Variants in MSRA observed in about 807,000 individuals in gnomAD.
MSRA encodes mitochondrial peptide methionine sulfoxide reductase.
In MSRA, 54 loss-of-function variants were observed where a neutral mutation model predicts 31.3. That is an observed-to-expected ratio of 1.73 (90% CI 1.39 to 2.17). The LOEUF (loss-of-function observed/expected upper bound fraction) is 2.17. Ranked by LOEUF, MSRA falls within the 30% of genes most tolerant of loss-of-function variation. MSRA has a pLI of 0.00. For missense variants in MSRA, 507 were observed against 300.9 expected, an observed-to-expected ratio of 1.69 and a Z score of -5.07; for synonymous variants, 169 against 116.5, an observed-to-expected ratio of 1.45 and a Z score of -2.90.
At chr8:10,108,038 A>G (rs1030455057) in intron 1 of MSRA, among the ~76,000 whole-genome samples, 8 of 152,244 alleles carry the variant, frequency 5.3e-5, no homozygotes, top group African/African-American at 1.9e-4. Context: ...GACAGAATAT[A>G]GGGGTCGTTG....
At chr8:10,271,839 C>T (rs1417400575) in intron 3 of MSRA, among the ~76,000 whole-genome samples, 1 of 151,874 alleles carries the variant, frequency 6.6e-6, no homozygotes, top group African/African-American at 2.4e-5. Context: ...TTGCCTCAGC[C>T]TCTCAAGTAG....
chr8:10,428,026 G>C (rs942038232), intron 5 of MSRA, 122 bp from the exon 6 acceptor site: 15 of 1,022,936 alleles, frequency 1.5e-5, no homozygotes, highest in Non-Finnish European at 2.0e-5. Flanking sequence ...GGCCTAAAGG[G>C]GACCCACTGC....
intron 5 of MSRA, among the ~76,000 whole-genome samples, chr8:10,381,495 G>T (rs1806067389): frequency 6.6e-6 from 1 of 152,164 alleles, no homozygotes; most frequent in Non-Finnish European, 1.5e-5. Flanking sequence ...CTGGAGCTGG[G>T]TGTACCCTAC....
intron 3 of MSRA, among the ~76,000 whole-genome samples, chr8:10,287,459 C>T (rs1476895785): frequency 6.6e-6 from 1 of 152,080 alleles, no homozygotes; most frequent in African/African-American, 2.4e-5. Flanking sequence ...CATCATCATC[C>T]CACGCTTACA....
At chr8:10,076,384 A>G (rs1033210235) in intron 1 of MSRA, among the ~76,000 whole-genome samples, 4 of 152,332 alleles carry the variant, frequency 2.6e-5, no homozygotes, top group African/African-American at 7.2e-5. Flanking sequence ...GTAGGTGCAC[A>G]TGGCCTTCAA....
At chr8:10,268,848 A>T (rs1207280172) in intron 3 of MSRA, among the ~76,000 whole-genome samples, 1 of 152,258 alleles carries the variant, frequency 6.6e-6, no homozygotes, top group East Asian at 1.9e-4. Flanking sequence ...CTTTCCTGTT[A>T]TCCTCCTGGA....
At chr8:10,067,034 A>G (rs1337502342) in intron 1 of MSRA, among the ~76,000 whole-genome samples, 1 of 152,106 alleles carries the variant, frequency 6.6e-6, no homozygotes, top group Non-Finnish European at 1.5e-5. Context: ...TAAAGTCTGT[A>G]GTTTACATTA....
chr8:10,180,339 C>A (rs1806431570), intron 1 of MSRA, among the ~76,000 whole-genome samples: 1 of 152,204 alleles, frequency 6.6e-6, no homozygotes, highest in Non-Finnish European at 1.5e-5. Flanking sequence ...CTTCCAGGCC[C>A]TTTGGGGTGC....
intron 5 of MSRA, among the ~76,000 whole-genome samples, chr8:10,391,515 C>T (rs1315821463): frequency 2.0e-5 from 3 of 152,198 alleles, no homozygotes; most frequent in East Asian, 1.9e-4. Flanking sequence ...AAATATTGTT[C>T]ATCACTTATG....
chr8:10,182,634 G>A (rs770522377), intron 1 of MSRA, among the ~76,000 whole-genome samples: 1 of 152,158 alleles, frequency 6.6e-6, no homozygotes, highest in Non-Finnish European at 1.5e-5. Flanking sequence ...TATGATACAA[G>A]CATGCGGTGT....
rs111815092 is a variant in MSRA, at chr8:10,251,432, C to G, written c.331+6209C>G. 2.6e-3 allele frequency among the ~76,000 whole-genome samples: 397 copies of G among 152,188 alleles called. 5 individuals carry two copies. The highest frequency in any genetic ancestry group is 9.2e-3 in the African/African-American group (383 of 41,494). ...TTATTGTACTCATTTCAATGTCAGTCAAGGTAAATTACTAAGTTATTGACA... is the reference window on the plus strand; with the variant it reads ...TTATTGTACTCATTTCAATGTCAGTGAAGGTAAATTACTAAGTTATTGACA... On this transcript the variant is annotated intron_variant, in intron 3 of 5. Transcript: ENST00000317173.
chr8:10,324,436 T>C (rs985176222), intron 5 of MSRA, among the ~76,000 whole-genome samples: 3 of 152,086 alleles, frequency 2.0e-5, no homozygotes, highest in Non-Finnish European at 4.4e-5. Context: ...CCATGGAACA[T>C]GGGACGGCCA....
At chr8:10,364,837 G>T (rs909570401) in intron 5 of MSRA, among the ~76,000 whole-genome samples, 1 of 152,190 alleles carries the variant, frequency 6.6e-6, no homozygotes, top group Non-Finnish European at 1.5e-5. Flanking sequence ...ATCCCCGGAT[G>T]TAGAAACATT....
At chr8:10,355,238 A>C (rs1190630624) in intron 5 of MSRA, among the ~76,000 whole-genome samples, 1 of 152,126 alleles carries the variant, frequency 6.6e-6, no homozygotes, top group African/African-American at 2.4e-5. Flanking sequence ...GTTTGCATGG[A>C]AGTGCTGAGT....
At position 10,095,411 on chromosome 8, in the gene MSRA, G is replaced by T. The variant is rs545650092; in HGVS notation, c.142+40753G>T. The T allele has an allele frequency of 4.7e-5, 43 of 921,928 alleles. No individual in the cohort carries two copies. In the South Asian group the frequency reaches 1.9e-3, roughly 42 times the overall value. 57.1% of individuals were successfully genotyped at this position (921,928 alleles called of 1,614,324 possible). ...TCGATGCTGTTGGTGCCAGGATTTG[G>T]GTACCGTACCACGGTTTCCTGTTTT... On this transcript the variant is annotated intron_variant, in intron 1 of 5. Transcript: ENST00000317173.
chr8:10,149,392 G>A (rs1803456688), intron 1 of MSRA, among the ~76,000 whole-genome samples: 1 of 152,174 alleles, frequency 6.6e-6, no homozygotes, highest in Non-Finnish European at 1.5e-5. Flanking sequence ...CCAAAGTGCT[G>A]GGGTTACAGG....
intron 4 of MSRA, among the ~76,000 whole-genome samples, chr8:10,302,239 A>G (rs749574036): frequency 4.6e-5 from 7 of 152,256 alleles, no homozygotes; most frequent in Non-Finnish European, 8.8e-5. Context: ...ATTTGAATGC[A>G]TACACAAGTG....
intron 1 of MSRA, among the ~76,000 whole-genome samples, chr8:10,113,203 T>C (rs1431673007): frequency 1.3e-5 from 2 of 149,058 alleles, no homozygotes; most frequent in Admixed American, 6.8e-5. Context: ...AGACAGGATA[T>C]GGTGCTTATA....
chr8:10,059,813 T>C (rs533844836), intron 1 of MSRA, among the ~76,000 whole-genome samples: 1 of 152,220 alleles, frequency 6.6e-6, no homozygotes, highest in Admixed American at 6.5e-5. Flanking sequence ...ATTGGCAAGG[T>C]AGACGTTAGG....
Sources: gnomAD v4.1 joint callset for allele counts (sites outside exome capture counted in the v4.1 genomes callset) on GRCh38, gnomAD v4.1.1 for gene constraint, MANE v1.5 for transcripts, NCBI Gene and HGNC (gene_info 2026-07-23, HGNC 2026-07-21) for gene names.